SMOC1: variants seen among roughly 807,000 people sequenced by gnomAD.
SMOC1 encodes SPARC-related modular calcium-binding protein 1.
In SMOC1, 22 loss-of-function variants were observed where a neutral mutation model predicts 56.3. The observed-to-expected ratio is 0.39, with a 90% CI of 0.28 to 0.56. The LOEUF is 0.56. Ranked by LOEUF, SMOC1 falls within the 20% of genes least tolerant of loss-of-function variation. SMOC1 has a pLI of 0.61. For synonymous variants in SMOC1, 193 were observed against 215.0 expected (o/e 0.90, Z 0.89); for missense variants, 509 against 565.4 (o/e 0.90, Z 1.01).
chr14:69,883,264 C>A (rs1485085879), intron 1 of SMOC1, among the ~76,000 whole-genome samples: 1 of 152,076 alleles, frequency 6.6e-6, no homozygotes, highest in Non-Finnish European at 1.5e-5. Flanking sequence ...TACCCTTTGA[C>A]CAACCTCTCT....
At chr14:69,902,877 C>G (rs1884286415) in intron 1 of SMOC1, among the ~76,000 whole-genome samples, 1 of 152,232 alleles carries the variant, frequency 6.6e-6, no homozygotes, top group Admixed American at 6.5e-5. Flanking sequence ...GCCTCGGCCT[C>G]CCAAGGTGCC....
chr14:70,018,973 C>A (rs1885617434), intron 10 of SMOC1, among the ~76,000 whole-genome samples: 1 of 152,228 alleles, frequency 6.6e-6, no homozygotes, highest in Non-Finnish European at 1.5e-5. Context: ...TCCCGCCTTA[C>A]CTTCTCTAAA....
intron 1 of SMOC1, among the ~76,000 whole-genome samples, chr14:69,936,155 T>G (rs780878974): frequency 6.6e-6 from 1 of 152,194 alleles, no homozygotes; most frequent in Non-Finnish European, 1.5e-5. Flanking sequence ...CACCACCGTT[T>G]GTCACCTTCT....
At chr14:69,981,841 T>A (rs1290075485) in intron 5 of SMOC1, among the ~76,000 whole-genome samples, 1 of 152,202 alleles carries the variant, frequency 6.6e-6, no homozygotes, top group Non-Finnish European at 1.5e-5. Flanking sequence ...GTCTCAATGC[T>A]AATTACCATA....
chr14:69,905,270 G>A (rs1303711596), intron 1 of SMOC1, among the ~76,000 whole-genome samples: 1 of 152,064 alleles, frequency 6.6e-6, no homozygotes, highest in African/African-American at 2.4e-5. Flanking sequence ...TAAGGCAGGA[G>A]TTGGAGAGGA....
chr14:69,990,132 C>G (rs897495827), intron 5 of SMOC1, among the ~76,000 whole-genome samples: 15 of 152,190 alleles, frequency 9.9e-5, no homozygotes, highest in Non-Finnish European at 1.9e-4. Context: ...TCTGGGAAAT[C>G]TGTGGAGGTC....
chr14:69,967,920 TCATGC>T (rs1489026136), intron 3 of SMOC1, among the ~76,000 whole-genome samples: 1 of 152,194 alleles, frequency 6.6e-6, no homozygotes, highest in Non-Finnish European at 1.5e-5. Flanking sequence ...AAAGGACAGC[TCATGC>T]TAGACAGACC....
At chr14:70,025,867 G>A (rs1885906642) in intron 11 of SMOC1, among the ~76,000 whole-genome samples, 1 of 152,168 alleles carries the variant, frequency 6.6e-6, no homozygotes, top group East Asian at 1.9e-4. Flanking sequence ...TATCTCATAG[G>A]ACTGTTGTGC....
chr14:69,944,072 T>C (rs901503609), intron 1 of SMOC1, among the ~76,000 whole-genome samples: 3 of 152,236 alleles, frequency 2.0e-5, no homozygotes, highest in Non-Finnish European at 4.4e-5. Context: ...GCCATACATA[T>C]TGATTAAATG....
At chr14:69,895,234 A>G (rs1008164837) in intron 1 of SMOC1, among the ~76,000 whole-genome samples, 2 of 152,320 alleles carry the variant, frequency 1.3e-5, no homozygotes, top group Admixed American at 6.5e-5. Context: ...CTATGCATGC[A>G]TTTCATAGCA....
At chr14:69,903,856 C>G (rs1418793558) in intron 1 of SMOC1, among the ~76,000 whole-genome samples, 7 of 151,526 alleles carry the variant, frequency 4.6e-5, no homozygotes, top group African/African-American at 1.7e-4. Context: ...GTCCTATGAC[C>G]CTGCCAAATC....
intron 11 of SMOC1, among the ~76,000 whole-genome samples, chr14:70,025,373 G>A (rs1276898669): frequency 6.6e-6 from 1 of 152,158 alleles, no homozygotes; most frequent in Admixed American, 6.5e-5. Context: ...ACCTGGGCTT[G>A]GGATCCACTT....
chr14:69,907,057 T>G (rs1278209865), intron 1 of SMOC1, among the ~76,000 whole-genome samples: 1 of 152,190 alleles, frequency 6.6e-6, no homozygotes, highest in Non-Finnish European at 1.5e-5. Flanking sequence ...ACAGTCATAT[T>G]TCTGAGAAAA....
At chr14:69,934,148 C>A (rs1478329108) in intron 1 of SMOC1, among the ~76,000 whole-genome samples, 1 of 152,200 alleles carries the variant, frequency 6.6e-6, no homozygotes, top group Admixed American at 6.5e-5. Context: ...GTGTGTCTCA[C>A]TGAAAGTCCA....
intron 3 of SMOC1, among the ~76,000 whole-genome samples, chr14:69,958,791 C>T (rs186426802): frequency 6.6e-6 from 1 of 152,278 alleles, no homozygotes; most frequent in Admixed American, 6.5e-5. Flanking sequence ...TGGAAACAAC[C>T]TAAATATCCA....
chr14:69,998,049 G>T (rs17175095), intron 7 of SMOC1, among the ~76,000 whole-genome samples: 15,059 of 152,212 alleles, frequency 0.099, 931 homozygotes, highest in Non-Finnish European at 0.13. Flanking sequence ...TGTTGGAAAG[G>T]TTCCACTGGG....
At chr14:69,884,867 G>A (rs1883751173) in intron 1 of SMOC1, among the ~76,000 whole-genome samples, 1 of 152,106 alleles carries the variant, frequency 6.6e-6, no homozygotes, top group South Asian at 2.1e-4. Context: ...ATAGTGTGAT[G>A]CCTCTGGCTT....
chr14:70,011,032 T>C, intron 8 of SMOC1, 86 bp downstream of exon 8: 1 of 1,483,072 alleles, frequency 6.7e-7, no homozygotes, highest in Non-Finnish European at 9.3e-7. Context: ...TGCCCTGGTC[T>C]GGTGGGAGAT....
chr14:69,913,506 C>T (rs186562325), intron 1 of SMOC1, among the ~76,000 whole-genome samples: 3 of 152,142 alleles, frequency 2.0e-5, no homozygotes, highest in Non-Finnish European at 4.4e-5. Flanking sequence ...ACATGGGACA[C>T]ACTTATACTA....
Sources: gnomAD v4.1 joint callset for allele counts (sites outside exome capture counted in the v4.1 genomes callset) on GRCh38, gnomAD v4.1.1 for gene constraint, MANE v1.5 for transcripts, NCBI Gene and HGNC (gene_info 2026-07-23, HGNC 2026-07-21) for gene names.